The following DMD variants were observed in gnomAD, a reference collection of about 807,000 sequenced individuals.
DMD encodes dystrophin.
Under a neutral mutation model 330.1 loss-of-function variants are expected in DMD, and 63 were observed. The ratio of observed to expected loss-of-function variants is 0.19; its 90% CI spans 0.16 to 0.24. The LOEUF is 0.24. DMD is among the 10% of genes least tolerant of loss of function. The pLI is 1.00. For missense variants in DMD, 3,344 were observed against 2,684.1 expected (o/e 1.25, Z -5.43); for synonymous variants, 1,223 against 959.8 (o/e 1.27, Z -5.07).
At chrX:31,380,122 T>C (rs1200473788) in intron 60 of DMD, among the ~76,000 whole-genome samples, 3 of 110,914 alleles carry the variant, frequency 2.7e-5, no homozygotes, top group Non-Finnish European at 5.7e-5. Flanking sequence ...AGGGCCTGTT[T>C]CCCTTACCTC....
intron 2 of DMD, among the ~76,000 whole-genome samples, chrX:32,883,741 G>A (rs777792431): frequency 1.1e-4 from 11 of 99,196 alleles, no homozygotes; most frequent in East Asian, 1.0e-3. Context: ...GGAGAATGGC[G>A]TGAACCCGGG....
chrX:31,152,180 G>T (rs1424988413), intron 74 of DMD, among the ~76,000 whole-genome samples: 1 of 101,914 alleles, frequency 9.8e-6, no homozygotes, highest in Non-Finnish European at 1.9e-5. Flanking sequence ...ATGCCTTTAA[G>T]CATCTTTTTT....
At chrX:32,297,070 C>T (rs2097499702) in intron 42 of DMD, among the ~76,000 whole-genome samples, 1 of 110,167 alleles carries the variant, frequency 9.1e-6, no homozygotes, top group Admixed American at 9.7e-5. Flanking sequence ...TGGCAGGATT[C>T]AGTACAGTTA....
rs775541107 is a variant in DMD at position 33,009,384 on chromosome X, G to A, written c.93+10755C>T. Among the ~76,000 whole-genome samples the A allele has an allele frequency of 1.3e-4, 3 of 23,833 alleles. 1 individual carries two copies. Among genetic ancestry groups the A allele is most frequent in the African/African-American group, 6.1e-4 (3 of 4,920 alleles). The allele number at this position is 23,833 out of a possible 115,157, so 20.7% of individuals were successfully genotyped here. A position where few individuals can be genotyped will look rare whatever the true frequency, so the allele number is the denominator to read the frequency against. On this transcript the variant is annotated intron_variant, in intron 2 of 78. Transcript: ENST00000357033. Reference sequence around the variant, plus strand: ...TATATGTGTATATGTGTATATACACGTGTATATATGTGTGTATATGTGTAT... The same window carrying A: ...TATATGTGTATATGTGTATATACACATGTATATATGTGTGTATATGTGTAT...
chrX:32,033,427 A>G (rs1004525684), intron 44 of DMD, among the ~76,000 whole-genome samples: 1 of 109,922 alleles, frequency 9.1e-6, no homozygotes, highest in Non-Finnish European at 1.9e-5. Flanking sequence ...AGAAAAGCCA[A>G]TGTATCCTAA....
At chrX:32,088,869 T>C (rs1049387490) in intron 44 of DMD, among the ~76,000 whole-genome samples, 1 of 111,276 alleles carries the variant, frequency 9.0e-6, no homozygotes, top group African/African-American at 3.3e-5. Flanking sequence ...AAGATTGAAG[T>C]TCATTGAGTG....
In DMD at chrX:32,958,026, C is replaced by T. The variant is rs991367046; in HGVS notation, c.93+62113G>A. Among the ~76,000 whole-genome samples the T allele has an allele frequency of 8.9e-5, 10 of 111,779 alleles. No homozygotes were observed. In the East Asian group the frequency reaches 2.8e-3, roughly 31 times the overall value. ...TTGTTTTATAAAAATAATTCAAGAA[C>T]TGTTATTTTGGAACCATTATATGTA... On this transcript the variant is annotated intron_variant, in intron 2 of 78. Coordinates refer to ENST00000357033, the MANE Select transcript of DMD (RefSeq NM_004006.3).
intron 51 of DMD, among the ~76,000 whole-genome samples, chrX:31,736,107 T>C (rs1048415693): frequency 4.5e-5 from 5 of 111,997 alleles, no homozygotes; most frequent in African/African-American, 1.3e-4. Context: ...ATAAAAGTTA[T>C]GTATCTTGGC....
chrX:32,616,126 C>T (rs1205930913), intron 11 of DMD, among the ~76,000 whole-genome samples: 1 of 110,834 alleles, frequency 9.0e-6, no homozygotes. Flanking sequence ...AAGTAATGGG[C>T]CATTTTAAGC....
At chrX:31,975,321 G>T (rs2095428122) in intron 44 of DMD, among the ~76,000 whole-genome samples, 1 of 111,885 alleles carries the variant, frequency 8.9e-6, no homozygotes, top group Non-Finnish European at 1.9e-5. Flanking sequence ...GTACAGAACA[G>T]AACTTTGCAA....
chrX:32,916,896 CAAAG>C (rs1404576255), intron 2 of DMD, among the ~76,000 whole-genome samples: 66 of 111,495 alleles, frequency 5.9e-4, no homozygotes, highest in African/African-American at 2.0e-3. Flanking sequence ...GATCCCATCA[CAAAG>C]AAAGGAAGGA....
chrX:32,987,998 T>C (rs757083960), intron 2 of DMD, among the ~76,000 whole-genome samples: 13 of 110,009 alleles, frequency 1.2e-4, no homozygotes, highest in Non-Finnish European at 2.5e-4. Context: ...TATATATATA[T>C]AAAATCACAC....
chrX:33,245,133 G>C (rs1426713605), intron 1 of DMD, among the ~76,000 whole-genome samples: 1 of 111,201 alleles, frequency 9.0e-6, no homozygotes, highest in Admixed American at 9.6e-5. Flanking sequence ...TACAACAGAA[G>C]TCTGTTTATC....
At chrX:31,301,292 G>T (rs1009158494) in intron 62 of DMD, among the ~76,000 whole-genome samples, 3 of 111,567 alleles carry the variant, frequency 2.7e-5, no homozygotes, top group Non-Finnish European at 3.8e-5. Context: ...CTCTTCAGAG[G>T]AAAAGACATC....
intron 51 of DMD, among the ~76,000 whole-genome samples, chrX:31,731,087 T>C (rs1005410398): frequency 1.8e-5 from 2 of 111,883 alleles, no homozygotes; most frequent in African/African-American, 6.5e-5. Flanking sequence ...TTCCAAACAT[T>C]GTACATCTAC....
At chrX:32,870,958 CAAAAAAAAAAAAAAA>C (rs745583714) in intron 2 of DMD, among the ~76,000 whole-genome samples, 18 of 14,770 alleles carry the variant, frequency 1.2e-3, no homozygotes, top group African/African-American at 4.2e-3. Flanking sequence ...TTCTGTACAG[CAAAAAAAAAAAAAAA>C]AAAAAAAAAA....
intron 1 of DMD, among the ~76,000 whole-genome samples, chrX:33,038,023 AG>A (rs1392122123): frequency 8.9e-6 from 1 of 112,348 alleles, no homozygotes; most frequent in Non-Finnish European, 1.9e-5. Flanking sequence ...AGACACCAAA[AG>A]TTTAAATGCA....
At chrX:32,972,749 G>C (rs948387741) in intron 2 of DMD, among the ~76,000 whole-genome samples, 7 of 111,638 alleles carry the variant, frequency 6.3e-5, no homozygotes, top group Admixed American at 9.6e-5. Flanking sequence ...CCGTACTTTA[G>C]TTTCTTTCCA....
At chrX:31,901,887 G>C (rs1400775067) in intron 47 of DMD, among the ~76,000 whole-genome samples, 2 of 110,905 alleles carry the variant, frequency 1.8e-5, no homozygotes, top group Non-Finnish European at 3.8e-5. Context: ...CATACACTGT[G>C]GAATGGCTAA....
Sources: allele counts gnomAD v4.1 joint callset (sites outside exome capture counted in the v4.1 genomes callset), GRCh38; gene constraint gnomAD v4.1.1; transcripts MANE v1.5; gene names NCBI Gene and HGNC (gene_info 2026-07-23, HGNC 2026-07-21).